KCMF1: variants seen among roughly 807,000 people sequenced by gnomAD.
The protein encoded by KCMF1 is E3 ubiquitin-protein ligase KCMF1.
KCMF1 carries 3 observed loss-of-function variants against 41.1 expected under a neutral mutation model. The ratio of observed to expected loss-of-function variants is 0.07; its 90% confidence interval spans 0.03 to 0.19. The LOEUF (loss-of-function observed/expected upper bound fraction) is 0.19, where lower values mean the gene tolerates loss of function less well. KCMF1 is among the 10% of genes least tolerant of loss of function. KCMF1 has a pLI of 1.00. For missense variants in KCMF1, 286 were observed against 488.9 expected, an observed-to-expected ratio of 0.58 and a Z score of 3.91; for synonymous variants, 142 against 164.5, an observed-to-expected ratio of 0.86 and a Z score of 1.04.
chr2:85,005,831 A>T (rs1430512906), intron 1 of KCMF1, among the ~76,000 whole-genome samples: 1 of 152,206 alleles, frequency 6.6e-6, no homozygotes, highest in Non-Finnish European at 1.5e-5. Flanking sequence ...TTCAGTAAAT[A>T]CATATAGTGT....
chr2:85,039,325 TG>T (rs1165637816), intron 3 of KCMF1, among the ~76,000 whole-genome samples: 1 of 152,158 alleles, frequency 6.6e-6, no homozygotes, highest in African/African-American at 2.4e-5. Context: ...ATCGAGAGAA[TG>T]CTGTCTGCTG....
At position 85,059,022 on chromosome 2, in the gene KCMF1, A is replaced by C. The variant is rs1230145396; in HGVS notation, c.*5613A>C. On this transcript the variant is annotated 3_prime_UTR_variant, in exon 7 of 7. Coordinates refer to ENST00000409785, the MANE Select transcript of KCMF1 (RefSeq NM_020122.5). ...GGGTAAGATTCTATAATACTCCTGT[A>C]TTGGCAAGTGGACTGGACCAACAGA... 6.6e-6 allele frequency: 1 copy of C among 152,176 alleles called. No individual in the cohort carries two copies. Among genetic ancestry groups the C allele is most frequent in the Non-Finnish European group, 1.5e-5 (1 of 68,036 alleles). 9.4% of individuals were successfully genotyped at this position (152,176 alleles called of 1,614,324 possible). A position where few individuals can be genotyped will look rare whatever the true frequency, so the allele number is the denominator to read the frequency against.
chr2:84,975,195 T>G (rs1196432782), intron 1 of KCMF1, among the ~76,000 whole-genome samples: 1 of 151,582 alleles, frequency 6.6e-6, no homozygotes, highest in East Asian at 1.9e-4. Context: ...TGAGCTGAGG[T>G]CGTGCCACTG....
In KCMF1 at chr2:85,059,075, A is replaced by T. The variant is rs984709008; in HGVS notation, c.*5666A>T. On this transcript the variant is annotated 3_prime_UTR_variant, in exon 7 of 7. Transcript: ENST00000409785. ...CAGGCCTCAGCCACTGTCGCTAGGGACTGAAGGAGAGTTCATGGATTCTTA... is the reference window on the plus strand; with the variant it reads ...CAGGCCTCAGCCACTGTCGCTAGGGTCTGAAGGAGAGTTCATGGATTCTTA... 2.6e-5 allele frequency: 4 copies of T among 152,298 alleles called. No homozygotes were observed. The highest frequency in any genetic ancestry group is 1.9e-4 in the East Asian group (1 of 5,184). The allele number at this position is 152,298 out of a possible 1,614,324, so 9.4% of individuals were successfully genotyped here.
At position 85,028,122 on chromosome 2, in the gene KCMF1, CAA is replaced by C. The variant is rs1675157564; in HGVS notation, c.184+68_184+69del. ...TTTATGTACGTTGAAGAAGTAAAGG[CAA>C]AGTGTTCTAAAACTCCCCAGCAGCA... On this transcript the variant is annotated intron_variant, in intron 2 of 6. Transcript: ENST00000409785. The C allele has an allele frequency of 4.8e-6, 5 of 1,041,912 alleles. No individual in the cohort carries two copies. The South Asian group carries it at 7.8e-5, about 16-fold the overall frequency. The allele number at this position is 1,041,912 out of a possible 1,614,324, so 64.5% of individuals were successfully genotyped here.
At chr2:84,998,981 T>C (rs7423174) in intron 1 of KCMF1, among the ~76,000 whole-genome samples, 2 of 135,904 alleles carry the variant, frequency 1.5e-5, no homozygotes, top group Non-Finnish European at 3.2e-5. Flanking sequence ...TGTCTGTCTA[T>C]CTACCTACCT....
chr2:85,008,298 AAT>A (rs1426384478), intron 1 of KCMF1, among the ~76,000 whole-genome samples: 3 of 77,936 alleles, frequency 3.8e-5, no homozygotes, highest in Admixed American at 1.4e-4. Flanking sequence ...TAATATATAT[AAT>A]ATATAATATG....
intron 1 of KCMF1, among the ~76,000 whole-genome samples, chr2:85,017,923 G>A (rs1167123660): frequency 6.6e-6 from 1 of 152,014 alleles, no homozygotes; most frequent in Non-Finnish European, 1.5e-5. Context: ...CCACTAGAGG[G>A]CATCCTTTTC....
At chr2:85,030,224 A>G (rs1316361849) in intron 2 of KCMF1, among the ~76,000 whole-genome samples, 1 of 151,012 alleles carries the variant, frequency 6.6e-6, no homozygotes, top group African/African-American at 2.4e-5. Context: ...ATAGTTTTTT[A>G]TTCCTTATGT....
At chr2:84,993,305 T>C (rs1465848896) in intron 1 of KCMF1, among the ~76,000 whole-genome samples, 1 of 151,986 alleles carries the variant, frequency 6.6e-6, no homozygotes, top group Non-Finnish European at 1.5e-5. Context: ...CATGACATAA[T>C]AGATGTGTTG....
chr2:84,983,759 C>T (rs1268547885), intron 1 of KCMF1, among the ~76,000 whole-genome samples: 1 of 152,148 alleles, frequency 6.6e-6, no homozygotes, highest in Non-Finnish European at 1.5e-5. Flanking sequence ...GATCCACCCA[C>T]CTTGGCCTCC....
chr2:85,041,759 G>GTATTTTTTTTTTTTTTT (rs1558585209), intron 3 of KCMF1, among the ~76,000 whole-genome samples: 1 of 142,384 alleles, frequency 7.0e-6, no homozygotes, highest in South Asian at 2.2e-4. Flanking sequence ...AACATTGCTG[G>GTATTTTTTTTTTTTTTT]TCTTTTTTTT....
At chr2:85,037,562 G>C (rs371983185) in intron 3 of KCMF1, among the ~76,000 whole-genome samples, 26 of 152,264 alleles carry the variant, frequency 1.7e-4, no homozygotes, top group African/African-American at 6.3e-4. Context: ...TGATATTACT[G>C]TGTGTCCCCT....
chr2:85,048,902 A>G (rs936030678), intron 5 of KCMF1, among the ~76,000 whole-genome samples: 3 of 152,238 alleles, frequency 2.0e-5, no homozygotes, highest in Admixed American at 1.3e-4. Context: ...CTGAATCCTA[A>G]TAATTCATTC....
chr2:84,998,917 C>CCTATCTATCTATCTAT (rs4019937), intron 1 of KCMF1, among the ~76,000 whole-genome samples: 1 of 96,104 alleles, frequency 1.0e-5, no homozygotes, highest in African/African-American at 5.5e-5. Context: ...GGGCCTCTTA[C>CCTATCTATCTATCTAT]CTATCTATCT....
rs1388826461 is a variant in KCMF1 at position 85,057,377 on chromosome 2, CTCA to C, written c.*3971_*3973del. On this transcript the variant is annotated 3_prime_UTR_variant, in exon 7 of 7. Coordinates refer to ENST00000409785, the MANE Select transcript of KCMF1 (RefSeq NM_020122.5). The stretch of plus-strand genomic sequence containing the variant: ...AAGGGAAGAGGCTGGGGAGGAGCCT[CTCA>C]TCTCATCTCATTTCAGCCTCAACAG... The C allele has an allele frequency of 6.6e-6, 1 of 152,116 alleles. No homozygotes were observed. The highest frequency in any genetic ancestry group is 1.5e-5 in the Non-Finnish European group (1 of 68,070). 9.4% of individuals were successfully genotyped at this position (152,116 alleles called of 1,614,324 possible). A position where few individuals can be genotyped will look rare whatever the true frequency, so the allele number is the denominator to read the frequency against.
chr2:84,981,816 T>C (rs961543841), intron 1 of KCMF1, among the ~76,000 whole-genome samples: 7 of 152,130 alleles, frequency 4.6e-5, no homozygotes, highest in Non-Finnish European at 8.8e-5. Context: ...TCTGGTTCTG[T>C]CGGCCAGGCT....
chr2:85,019,849 T>C (rs1328097727), intron 1 of KCMF1, among the ~76,000 whole-genome samples: 1 of 151,924 alleles, frequency 6.6e-6, no homozygotes, highest in Non-Finnish European at 1.5e-5. Flanking sequence ...TATGTATCTG[T>C]ATTTGAAATA....
At chr2:85,039,540 T>G (rs1675475840) in intron 3 of KCMF1, among the ~76,000 whole-genome samples, 1 of 152,188 alleles carries the variant, frequency 6.6e-6, no homozygotes. Flanking sequence ...CTTCAGAAGG[T>G]ATATTTTAAA....
Sources: gnomAD v4.1 joint callset for allele counts (sites outside exome capture counted in the v4.1 genomes callset) on GRCh38, gnomAD v4.1.1 for gene constraint, MANE v1.5 for transcripts, NCBI Gene and HGNC (gene_info 2026-07-23, HGNC 2026-07-21) for gene names.